The following C8orf34 variants were observed in gnomAD, a reference collection of about 807,000 sequenced individuals.
C8orf34 encodes uncharacterized protein C8orf34.
C8orf34 carries 65 observed loss-of-function variants against 68.3 expected under a neutral mutation model. The observed-to-expected ratio is 0.95, with a 90% CI of 0.78 to 1.17. The LOEUF is 1.17. C8orf34 is among the 50% of genes most tolerant of loss of function. The pLI is 0.00. For synonymous variants in C8orf34, 244 were observed against 241.2 expected, an observed-to-expected ratio of 1.01 and a Z score of -0.11; for missense variants, 664 against 655.4, an observed-to-expected ratio of 1.01 and a Z score of -0.14.
At chr8:68,441,158 G>A (rs969766103) in intron 2 of C8orf34, among the ~76,000 whole-genome samples, 3 of 151,520 alleles carry the variant, frequency 2.0e-5, no homozygotes, top group African/African-American at 7.2e-5. Flanking sequence ...TGTGTCAGAA[G>A]TCTGTGCACG....
At chr8:68,502,212 C>T (rs543515281) in intron 5 of C8orf34, among the ~76,000 whole-genome samples, 13 of 152,274 alleles carry the variant, frequency 8.5e-5, no homozygotes, top group Non-Finnish European at 1.6e-4. Context: ...ATTACAGGCG[C>T]ACGCCACCAT....
At chr8:68,452,791 CT>C (rs1236091846) in intron 3 of C8orf34, among the ~76,000 whole-genome samples, 1,720 of 143,454 alleles carry the variant, frequency 0.012, 40 homozygotes, top group African/African-American at 0.04. Flanking sequence ...ATCTATTTTC[CT>C]TTTTTTTTTG....
intron 1 of C8orf34, among the ~76,000 whole-genome samples, chr8:68,429,336 A>G (rs1484627108): frequency 6.6e-6 from 1 of 152,232 alleles, no homozygotes; most frequent in Admixed American, 6.5e-5. Flanking sequence ...GGACATGCAA[A>G]TTAAAATCAT....
chr8:68,439,365 T>C (rs925592165), intron 1 of C8orf34, 134 bp from the exon 2 acceptor site: 2 of 692,820 alleles, frequency 2.9e-6, no homozygotes, highest in East Asian at 5.8e-5. Flanking sequence ...GAAAAGATTG[T>C]TATAAGCATG....
chr8:68,593,061 C>T (rs1263778092), intron 7 of C8orf34, among the ~76,000 whole-genome samples: 1 of 152,114 alleles, frequency 6.6e-6, no homozygotes, highest in East Asian at 1.9e-4. Context: ...TTTATCAAGA[C>T]ATGAAGTCCT....
intron 1 of C8orf34, among the ~76,000 whole-genome samples, chr8:68,417,704 G>A (rs370482657): frequency 6.6e-6 from 1 of 152,204 alleles, no homozygotes; most frequent in South Asian, 2.1e-4. Flanking sequence ...GAAAATATCT[G>A]TTCAGTTTGA....
In C8orf34 at chr8:68,692,559, CA is replaced by C. The variant is rs894565418; in HGVS notation, c.1242-16428del. Among the ~76,000 whole-genome samples, 14 of 151,302 alleles carry C rather than the reference CA, an allele frequency of 9.3e-5. 1 individual carries two copies. The highest frequency in any genetic ancestry group is 2.4e-5 in the African/African-American group (1 of 41,222). On this transcript the variant is annotated intron_variant, in intron 8 of 13. Coordinates refer to ENST00000518698, the MANE Select transcript of C8orf34 (RefSeq NM_052958.4). ...GACACATTTATTAGAAAAGTTATAA[CA>C]AAAAAAGACTTCGAGTTTCTAAGGG...
At chr8:68,503,686 C>CTTT (rs538748605) in intron 5 of C8orf34, among the ~76,000 whole-genome samples, 1 of 135,214 alleles carries the variant, frequency 7.4e-6, no homozygotes, top group African/African-American at 2.7e-5. Flanking sequence ...TTTTCTTTTT[C>CTTT]TTTTTTTTTT....
chr8:68,383,277 G>A (rs1014683648), intron 1 of C8orf34, among the ~76,000 whole-genome samples: 1 of 152,182 alleles, frequency 6.6e-6, no homozygotes, highest in Admixed American at 6.5e-5. Flanking sequence ...AGCACATTAA[G>A]AGGGGAAACA....
chr8:68,334,067 C>T (rs1805746270), intron 1 of C8orf34, among the ~76,000 whole-genome samples: 1 of 152,200 alleles, frequency 6.6e-6, no homozygotes, highest in Non-Finnish European at 1.5e-5. Flanking sequence ...TCTTTTTTAC[C>T]TGTAGGGCTT....
chr8:68,797,426 A>T (rs1196589273), intron 12 of C8orf34, among the ~76,000 whole-genome samples: 1 of 152,046 alleles, frequency 6.6e-6, no homozygotes, highest in East Asian at 1.9e-4. Flanking sequence ...TTCCCCTCTC[A>T]TTACTAGGAG....
In C8orf34 at chr8:68,337,908, C is replaced by T. The variant is rs74960701; in HGVS notation, c.327+6569C>T. Among the ~76,000 whole-genome samples, 1,195 of 152,290 alleles carry T rather than the reference C, an allele frequency of 7.8e-3. 19 individuals are homozygous for T. The highest frequency in any genetic ancestry group is 0.026 in the African/African-American group (1,099 of 41,578). Reference sequence around the variant, plus strand: ...AAAAAATATTTAAACAATAAATGCACAAGAGTGCTGGAACATAAGAAAGAG... The same window carrying T: ...AAAAAATATTTAAACAATAAATGCATAAGAGTGCTGGAACATAAGAAAGAG... On this transcript the variant is annotated intron_variant, in intron 1 of 13. Coordinates refer to ENST00000518698, the MANE Select transcript of C8orf34 (RefSeq NM_052958.4).
intron 3 of C8orf34, among the ~76,000 whole-genome samples, chr8:68,458,085 G>C (rs80096472): frequency 3.9e-5 from 6 of 151,952 alleles, no homozygotes; most frequent in Non-Finnish European, 8.8e-5. Flanking sequence ...GATTGTCCTC[G>C]TTTGATTCCC....
Position 68,335,836 on chromosome 8 carries a change from T to C in C8orf34, c.327+4497T>C, listed in dbSNP as rs116095393. 8.7e-3 allele frequency among the ~76,000 whole-genome samples: 1,326 copies of C among 152,250 alleles called. 24 individuals carry two copies. The highest frequency in any genetic ancestry group is 0.029 in the African/African-American group (1,225 of 41,546). Reference sequence around the variant, plus strand: ...GGTTCATGCCTGTAGTCCCAGCACATTGGGAGGCTGAGGCAGCTGGATCAC... The same window carrying C: ...GGTTCATGCCTGTAGTCCCAGCACACTGGGAGGCTGAGGCAGCTGGATCAC... On this transcript the variant is annotated intron_variant, in intron 1 of 13. Transcript: ENST00000518698.
chr8:68,388,347 A>G (rs1808346118), intron 1 of C8orf34, among the ~76,000 whole-genome samples: 1 of 152,054 alleles, frequency 6.6e-6, no homozygotes, highest in Admixed American at 6.6e-5. Flanking sequence ...TTCCTTCTCT[A>G]GAGTTCATGA....
chr8:68,715,467 C>T (rs1445811443), intron 9 of C8orf34, among the ~76,000 whole-genome samples: 21 of 151,832 alleles, frequency 1.4e-4, no homozygotes, highest in South Asian at 4.2e-4. Context: ...GCTAAGGACA[C>T]GAATAGACAT....
Position 68,331,086 on chromosome 8 carries a change from A to G in C8orf34, c.74A>G (p.His25Arg). The change falls in exon 1 of 14, where the codon CAC becomes CGC. Residue 25 changes from histidine to arginine, a missense_variant. His to Arg is a conservative substitution (Grantham distance 29, BLOSUM62 0). Transcript: ENST00000518698. ...CCAGGCTTCCGGCTCTCAGCGCCCC[A>G]CGCGCGCGTGGCTCCCCGGGCTGCC... ...LRPGFRLSAP[H>R]ARVAPRAATH... 1.3e-6 allele frequency: 2 copies of G among 1,490,254 alleles called. No individual in the cohort carries two copies. Among genetic ancestry groups the G allele is most frequent in the Non-Finnish European group, 1.8e-6 (2 of 1,130,258 alleles). 92.3% of individuals were successfully genotyped at this position (1,490,254 alleles called of 1,614,324 possible). A position where few individuals can be genotyped will look rare whatever the true frequency, so the allele number is the denominator to read the frequency against.
intron 7 of C8orf34, among the ~76,000 whole-genome samples, chr8:68,597,518 G>T (rs1390875802): frequency 6.6e-6 from 1 of 151,916 alleles, no homozygotes. Context: ...TAGAAAATTA[G>T]AGGAACTTAA....
At chr8:68,599,875 C>T (rs1386031906) in intron 7 of C8orf34, among the ~76,000 whole-genome samples, 1 of 151,900 alleles carries the variant, frequency 6.6e-6, no homozygotes, top group Non-Finnish European at 1.5e-5. Context: ...TATACAGACA[C>T]ACACACAAAC....
Sources: allele counts gnomAD v4.1 joint callset (sites outside exome capture counted in the v4.1 genomes callset), GRCh38; gene constraint gnomAD v4.1.1; transcripts MANE v1.5; gene names NCBI Gene and HGNC (gene_info 2026-07-23, HGNC 2026-07-21).